Variants in RYR3 observed in about 807,000 individuals in gnomAD.
RYR3 encodes brain ryanodine receptor-calcium release channel.
In RYR3, 207 loss-of-function variants were observed where a neutral mutation model predicts 584.3. The ratio of observed to expected loss-of-function variants is 0.35; its 90% CI spans 0.32 to 0.40. RYR3 has a LOEUF of 0.40. RYR3 is among the 10% of genes least tolerant of loss of function. RYR3 has a pLI of 1.00. For synonymous variants in RYR3, 2,416 were observed against 2,248.5 expected (o/e 1.07, Z -2.11); for missense variants, 5,616 against 6,089.2 (o/e 0.92, Z 2.59).
chr15:33,408,657 A>G (rs1446091695), intron 1 of RYR3, among the ~76,000 whole-genome samples: 2 of 152,178 alleles, frequency 1.3e-5, no homozygotes, highest in East Asian at 1.9e-4. Flanking sequence ...CCTCACTAGC[A>G]TCGGTTTTTT....
chr15:33,372,727 A>T (rs2040433574), intron 1 of RYR3, among the ~76,000 whole-genome samples: 1 of 151,836 alleles, frequency 6.6e-6, no homozygotes, highest in African/African-American at 2.4e-5. Flanking sequence ...GCTGGTCTCG[A>T]ACTCCTGAGC....
chr15:33,770,893 A>C (rs1412557758), intron 62 of RYR3, among the ~76,000 whole-genome samples: 1 of 152,248 alleles, frequency 6.6e-6, no homozygotes, highest in Non-Finnish European at 1.5e-5. Context: ...GTCTTTCATA[A>C]TCTTCTGAAT....
intron 21 of RYR3, 114 bp downstream of exon 21, chr15:33,628,689 G>T: frequency 1.5e-6 from 1 of 673,890 alleles, no homozygotes; most frequent in Non-Finnish European, 2.7e-6. Flanking sequence ...GAACACTGAG[G>T]AGACCAGGTC....
intron 2 of RYR3, among the ~76,000 whole-genome samples, chr15:33,478,208 G>A (rs1233409826): frequency 6.6e-6 from 1 of 152,038 alleles, no homozygotes; most frequent in African/African-American, 2.4e-5. Flanking sequence ...AGAAACCATG[G>A]CTTGCCAGCT....
At chr15:33,821,721 C>T in intron 80 of RYR3, 119 bp downstream of exon 80, 1 of 906,502 alleles carries the variant, frequency 1.1e-6, no homozygotes, top group Non-Finnish European at 1.7e-6. Context: ...TCACTTAGCT[C>T]ACGTTTGTCC....
At chr15:33,556,859 T>C (rs534107859) in intron 10 of RYR3, among the ~76,000 whole-genome samples, 32 of 152,276 alleles carry the variant, frequency 2.1e-4, no homozygotes, top group Non-Finnish European at 3.8e-4. Flanking sequence ...TTGTTTTTTT[T>C]CCCCAAACTC....
intron 31 of RYR3, among the ~76,000 whole-genome samples, chr15:33,650,339 T>C (rs1358767104): frequency 2.0e-5 from 3 of 152,042 alleles, no homozygotes; most frequent in Non-Finnish European, 4.4e-5. Context: ...ATGGCGCCAC[T>C]GCACTCCATC....
At chr15:33,851,389 C>G (rs920850413) in intron 94 of RYR3, 2 of 152,056 alleles carry the variant, frequency 1.3e-5, no homozygotes, top group Non-Finnish European at 2.9e-5. Flanking sequence ...TTTTGCTGAT[C>G]TAGTAGGTGT....
At chr15:33,477,650 C>T (rs1027363289) in intron 2 of RYR3, among the ~76,000 whole-genome samples, 2 of 148,546 alleles carry the variant, frequency 1.3e-5, no homozygotes, top group Non-Finnish European at 3.0e-5. Flanking sequence ...CCGAGATGGG[C>T]GGATCACGAG....
At chr15:33,856,998 T>C (rs1388424281) in intron 98 of RYR3, among the ~76,000 whole-genome samples, 4 of 152,098 alleles carry the variant, frequency 2.6e-5, no homozygotes, top group African/African-American at 9.7e-5. Context: ...AGAAGCTACA[T>C]TGTGAAGCCT....
rs143858335 is a variant in RYR3 at position 33,721,465 on chromosome 15, G to A, written c.6620-1250G>A. ...AATATTTTGAGGGAATTTTTTGCAC[G>A]AGAATAAATAATACAACAGCTTATC... On this transcript the variant is annotated intron_variant, in intron 43 of 103. Transcript: ENST00000634891. Among the ~76,000 whole-genome samples, 12 of 152,302 alleles carry A rather than the reference G, an allele frequency of 7.9e-5. No homozygotes were observed. The East Asian group carries it at 1.7e-3, about 22-fold the overall frequency.
At chr15:33,353,925 T>C (rs577502806) in intron 1 of RYR3, among the ~76,000 whole-genome samples, 4 of 152,324 alleles carry the variant, frequency 2.6e-5, no homozygotes, top group Non-Finnish European at 5.9e-5. Context: ...GTTTTAACTC[T>C]GGGGAATGGA....
chr15:33,748,298 G>A, intron 54 of RYR3, 38 bp downstream of exon 54: 2 of 1,606,734 alleles, frequency 1.2e-6, no homozygotes, highest in Middle Eastern at 1.7e-4. Flanking sequence ...CTGGGCCGAT[G>A]GAAGCCATGG....
At chr15:33,780,546 T>G (rs1177165625) in intron 65 of RYR3, among the ~76,000 whole-genome samples, 1 of 152,208 alleles carries the variant, frequency 6.6e-6, no homozygotes, top group Admixed American at 6.5e-5. Context: ...AGGCTTTGGT[T>G]TCCTCTTCTC....
chr15:33,574,916 A>G (rs1486903110), intron 12 of RYR3, among the ~76,000 whole-genome samples: 1 of 152,206 alleles, frequency 6.6e-6, no homozygotes, highest in Non-Finnish European at 1.5e-5. Flanking sequence ...ATAAGCTTGA[A>G]ATAAAGGCCC....
chr15:33,573,599 A>G (rs1227460487), intron 12 of RYR3, among the ~76,000 whole-genome samples: 3 of 152,254 alleles, frequency 2.0e-5, no homozygotes, highest in Non-Finnish European at 4.4e-5. Flanking sequence ...CTTAGAAGAG[A>G]GACAACAAAT....
chr15:33,337,388 C>T (rs886908315), intron 1 of RYR3, among the ~76,000 whole-genome samples: 2 of 152,150 alleles, frequency 1.3e-5, no homozygotes, highest in African/African-American at 4.8e-5. Context: ...ATGTTATAGG[C>T]AAATTCTACA....
At chr15:33,635,247 T>TA (rs2061444344) in intron 25 of RYR3, among the ~76,000 whole-genome samples, 2 of 152,164 alleles carry the variant, frequency 1.3e-5, no homozygotes, top group Admixed American at 1.3e-4. Flanking sequence ...CCAATCTGGG[T>TA]TTATACCTTT....
intron 67 of RYR3, among the ~76,000 whole-genome samples, chr15:33,794,052 A>ATAAATATATACATAATATATATTATATAT (rs71117178): frequency 5.2e-5 from 4 of 76,638 alleles, no homozygotes; most frequent in Non-Finnish European, 5.4e-5. Flanking sequence ...ACATATATAT[A>ATAAATATATACATAATATATATTATATAT]AATATATACA....
Sources: allele counts gnomAD v4.1 joint callset (sites outside exome capture counted in the v4.1 genomes callset), GRCh38; gene constraint gnomAD v4.1.1; transcripts MANE v1.5; gene names NCBI Gene and HGNC (gene_info 2026-07-23, HGNC 2026-07-21).